EXOSC8: variants seen among roughly 807,000 people sequenced by gnomAD.
EXOSC8 encodes exosome complex component RRP43.
Under a neutral mutation model 39.9 loss-of-function variants are expected in EXOSC8, and 37 were observed. That is an observed-to-expected ratio of 0.93 (90% CI 0.71 to 1.22). EXOSC8 has a LOEUF of 1.22. Among genes scored for constraint, EXOSC8 ranks in the 50% most tolerant of loss-of-function variants. The probability of loss-of-function intolerance (pLI) is 0.00; values close to 1 mark genes in which losing one functional copy is unlikely to be tolerated. For missense variants in EXOSC8, 313 were observed against 326.6 expected (o/e 0.96, Z 0.32); for synonymous variants, 93 against 109.5 (o/e 0.85, Z 0.94).
Position 37,009,339 on chromosome 13 carries a change from ATT to A in EXOSC8, c.*42_*43del. On this transcript the variant is annotated 3_prime_UTR_variant, in exon 11 of 11. Coordinates refer to ENST00000389704, the MANE Select transcript of EXOSC8 (RefSeq NM_181503.3). Reference sequence around the variant, plus strand: ...TTCAAAACAGATTTGTAAAAATTGTATTTGTTAACACTGTGCACAAACGTTTT... The same window carrying A: ...TTCAAAACAGATTTGTAAAAATTGTATGTTAACACTGTGCACAAACGTTTT... The A allele has an allele frequency of 8.6e-7, 1 of 1,158,376 alleles. No individual in the cohort carries two copies. Among genetic ancestry groups the A allele is most frequent in the Middle Eastern group, 2.5e-4 (1 of 3,924 alleles). 71.8% of individuals were successfully genotyped at this position (1,158,376 alleles called of 1,614,324 possible).
At chr13:37,004,964 G>C (rs962862476) in intron 5 of EXOSC8, among the ~76,000 whole-genome samples, 35 of 152,202 alleles carry the variant, frequency 2.3e-4, no homozygotes, top group African/African-American at 6.3e-4. Flanking sequence ...AAAAAATCAA[G>C]TTAGCTGGGT....
intron 7 of EXOSC8, 111 bp from the exon 8 acceptor site, chr13:37,006,864 A>G (rs2059142392): frequency 1.5e-6 from 1 of 657,012 alleles, no homozygotes; most frequent in Non-Finnish European, 2.7e-6. Flanking sequence ...TGAGCCTTGA[A>G]AGTTATCTTG....
At chr13:37,002,075 C>A (rs140192725) in intron 1 of EXOSC8, among the ~76,000 whole-genome samples, 198 bp from the exon 2 acceptor site, 1 of 152,262 alleles carries the variant, frequency 6.6e-6, no homozygotes, top group Non-Finnish European at 1.5e-5. Context: ...CGCCAATCTT[C>A]TAATCGTTTA....
In EXOSC8 at chr13:37,002,233, C is replaced by T. The variant is rs748013483; in HGVS notation, c.18-40C>T. On this transcript the variant is annotated intron_variant, in intron 1 of 10. Coordinates refer to ENST00000389704, the MANE Select transcript of EXOSC8 (RefSeq NM_181503.3). Reference sequence around the variant, plus strand: ...CAATTTCTGGATTTATGTTAAGATTCATCAGTTTATCTCAGATATATTTTT... The same window carrying T: ...CAATTTCTGGATTTATGTTAAGATTTATCAGTTTATCTCAGATATATTTTT... The T allele has an allele frequency of 2.0e-6, 3 of 1,487,806 alleles. No individual in the cohort carries two copies. The African/African-American group carries it at 4.1e-5, about 21-fold the overall frequency. 92.2% of individuals were successfully genotyped at this position (1,487,806 alleles called of 1,614,324 possible).
chr13:37,004,550 A>G lies in EXOSC8; in HGVS notation c.227A>G (p.Lys76Arg). 4 of 1,603,268 alleles carry G rather than the reference A, an allele frequency of 2.5e-6. No individual in the cohort carries two copies. Among genetic ancestry groups the G allele is most frequent in the Non-Finnish European group, 8.5e-7 (1 of 1,170,992 alleles). Residue 76 changes from lysine (K) to arginine (R), a missense_variant, in exon 5 of 11, where the codon AAA becomes AGA. Lys to Arg is a conservative substitution (Grantham distance 26). Coordinates refer to ENST00000389704, the MANE Select transcript of EXOSC8 (RefSeq NM_181503.3). ...FAAPSTDAPD[K>R]GYVVPNVDLP... The stretch of plus-strand genomic sequence containing the variant: ...GCACCATCAACAGATGCCCCTGATA[A>G]AGGATACGTTGGTAAGTTAAATGGT...
Position 37,008,111 on chromosome 13 carries a change from TAAAG to T in EXOSC8, c.545_548del (p.Lys182ArgfsTer5), listed in dbSNP as rs781416113. 50 of 1,598,380 alleles carry T rather than the reference TAAAG, an allele frequency of 3.1e-5. No homozygotes were observed. The highest frequency in any genetic ancestry group is 4.1e-5 in the Non-Finnish European group (48 of 1,172,778). ...GAAACTGCTTTAGCAGAAGTTAATTTAAAGAAGAAAAGTTATTTGAATATTAGAA... is the reference window on the plus strand; with the variant it reads ...GAAACTGCTTTAGCAGAAGTTAATTTAAGAAAAGTTATTTGAATATTAGAA... On this transcript the variant is annotated frameshift_variant, in exon 9 of 11. Coordinates refer to ENST00000389704, the MANE Select transcript of EXOSC8 (RefSeq NM_181503.3). LOFTEE classifies it high-confidence loss of function.
intron 4 of EXOSC8, chr13:37,004,146 A>G: frequency 6.1e-6 from 1 of 163,086 alleles, no homozygotes; most frequent in East Asian, 1.7e-4. Flanking sequence ...TGCTGGGATT[A>G]CCGGTGTGAG....
Position 37,007,041 on chromosome 13 carries a change from A to C in EXOSC8, c.457A>C (p.Thr153Pro). The change falls in exon 8 of 11, where the codon ACA (threonine) becomes CCA (proline). Residue 153 changes from threonine to proline, a missense_variant. By Grantham distance (38) the Thr-to-Pro change is conservative (BLOSUM62 -1). Transcript: ENST00000389704. ...DYDGNILDAC[T>P]FALLAALKNV... Reference sequence around the variant, plus strand: ...CGATGGAAACATTTTGGATGCCTGCACATTTGCTTTGCTAGCGGCTTTAAA... The same window carrying C: ...CGATGGAAACATTTTGGATGCCTGCCCATTTGCTTTGCTAGCGGCTTTAAA... 6.2e-7 allele frequency: 1 copy of C among 1,613,268 alleles called. No individual in the cohort carries two copies. Among genetic ancestry groups the C allele is most frequent in the Non-Finnish European group, 8.5e-7 (1 of 1,179,196 alleles).
Position 37,002,933 on chromosome 13 carries a change from G to A in EXOSC8, c.119-1G>A, listed in dbSNP as rs752316904. ...ACCTTTCATTTTGCTTATCTTTTCA[G>A]GTTCAATTAGTACCGCAGATGGTTC... On this transcript the variant is annotated splice_acceptor_variant, in intron 3 of 10. Transcript: ENST00000389704. LOFTEE classifies it high-confidence loss of function. 83 of 1,603,218 alleles carry A rather than the reference G, an allele frequency of 5.2e-5. No individual in the cohort carries two copies. The highest frequency in any genetic ancestry group is 6.8e-5 in the Non-Finnish European group (80 of 1,170,886).
At chr13:37,005,716 T>G (rs1354426410) in intron 5 of EXOSC8, among the ~76,000 whole-genome samples, 1 of 151,718 alleles carries the variant, frequency 6.6e-6, no homozygotes, top group Admixed American at 6.6e-5. Context: ...TACAAAAAAT[T>G]AGCCGGGCGT....
At position 37,008,166 on chromosome 13, in the gene EXOSC8, T is replaced by C; in HGVS notation, c.597T>C (p.Ala199=). 6.3e-7 allele frequency: 1 copy of C among 1,596,046 alleles called. No individual in the cohort carries two copies. The highest frequency in any genetic ancestry group is 8.5e-7 in the Non-Finnish European group (1 of 1,173,008). ...IRTHPVATSF[A]VFDDTLLIVD... ...CTCATCCAGTTGCAACTTCCTTTGC[T>C]GTGTTTGATGAGTAAGTTAATCAAA... The change falls in exon 9 of 11, where the codon GCT becomes GCC. Residue 199 remains alanine, a synonymous_variant. Coordinates refer to ENST00000389704, the MANE Select transcript of EXOSC8 (RefSeq NM_181503.3).
rs371110805 is a variant in EXOSC8, at chr13:37,006,875, CTTGT to C, written c.391-97_391-94del. 9.1e-5 allele frequency: 63 copies of C among 689,334 alleles called. 1 individual carries two copies. The East Asian group carries it at 9.5e-4, about 10-fold the overall frequency. 42.7% of individuals were successfully genotyped at this position (689,334 alleles called of 1,614,324 possible). ...TTTTTGAGCCTTGAAAGTTATCTTG[CTTGT>C]TTAACCAAGGGTTCTGTGGTTCTTA... On this transcript the variant is annotated intron_variant, in intron 7 of 10. Coordinates refer to ENST00000389704, the MANE Select transcript of EXOSC8 (RefSeq NM_181503.3).
chr13:37,000,943 G>A, intron 1 of EXOSC8, 121 bp downstream of exon 1: 1 of 1,249,686 alleles, frequency 8.0e-7, no homozygotes, highest in Non-Finnish European at 1.1e-6. Context: ...TTCCTTCCTC[G>A]TCGAGGCAGA....
At chr13:37,002,831 A>G in intron 3 of EXOSC8, 103 bp from the exon 4 acceptor site, 1 of 784,534 alleles carries the variant, frequency 1.3e-6, no homozygotes, top group Non-Finnish European at 2.2e-6. Flanking sequence ...GGGTAGCAAG[A>G]TAATCGTACA....
chr13:37,009,522 T>TA lies in EXOSC8; in HGVS notation c.*228dup. The TA allele has an allele frequency of 9.7e-7, 1 of 1,033,022 alleles. No homozygotes were observed. The highest frequency in any genetic ancestry group is 1.4e-6 in the Non-Finnish European group (1 of 693,426). The allele number at this position is 1,033,022 out of a possible 1,614,324, so 64.0% of individuals were successfully genotyped here. A position where few individuals can be genotyped will look rare whatever the true frequency, so the allele number is the denominator to read the frequency against. ...GTTAAACCATTTCCCTGTTTTTATT[T>TA]AAAAATGATAAGGTTGTGCTTCTGT... On this transcript the variant is annotated 3_prime_UTR_variant, in exon 11 of 11. Transcript: ENST00000389704.
In EXOSC8 at chr13:37,007,085, C is replaced by G; in HGVS notation, c.487+14C>G. The G allele has an allele frequency of 6.6e-7, 1 of 1,522,786 alleles. No individual in the cohort carries two copies. Among genetic ancestry groups the G allele is most frequent in the South Asian group, 1.1e-5 (1 of 89,108 alleles). The allele number at this position is 1,522,786 out of a possible 1,614,324, so 94.3% of individuals were successfully genotyped here. ...CTTTAAAAAATGGTAAGCAGCCTTA[C>G]AAAAAAGGCAATATTCCCACTCATG... is the stretch of plus-strand genomic sequence containing the variant. On this transcript the variant is annotated intron_variant, in intron 8 of 10. Coordinates refer to ENST00000389704, the MANE Select transcript of EXOSC8 (RefSeq NM_181503.3).
rs755336303 is a variant in EXOSC8 at position 37,006,164 on chromosome 13, A to G, written c.390+4A>G. 6.3e-7 allele frequency: 1 copy of G among 1,590,154 alleles called. No individual in the cohort carries two copies. Among genetic ancestry groups the G allele is most frequent in the Non-Finnish European group, 8.6e-7 (1 of 1,161,360 alleles). ...CTTATGCATTTCTCCAGGAAAGGTA[A>G]GAGGAATAGAGAAGCTATAAGTTCT... On this transcript the variant is annotated splice_donor_region_variant and intron_variant, in intron 7 of 10. Transcript: ENST00000389704.
intron 10 of EXOSC8, 116 bp from the exon 11 acceptor site, chr13:37,009,065 GAGA>G: frequency 1.4e-6 from 1 of 738,536 alleles, no homozygotes; most frequent in Non-Finnish European, 2.3e-6. Flanking sequence ...TGTAGATCTT[GAGA>G]CTGTACCCTG....
intron 8 of EXOSC8, among the ~76,000 whole-genome samples, chr13:37,007,400 G>A (rs1009230114): frequency 1.3e-5 from 2 of 152,140 alleles, no homozygotes; most frequent in African/African-American, 4.8e-5. Context: ...ATGTGATATT[G>A]CCAAAAGAAG....
Sources: allele counts gnomAD v4.1 joint callset (sites outside exome capture counted in the v4.1 genomes callset), GRCh38; gene constraint gnomAD v4.1.1; transcripts MANE v1.5; gene names NCBI Gene and HGNC (gene_info 2026-07-23, HGNC 2026-07-21).